The following CCDC88A variants were observed in gnomAD, a reference collection of about 807,000 sequenced individuals.
CCDC88A encodes the protein girdin.
A neutral mutation model predicts 234.3 loss-of-function variants in CCDC88A; 54 were observed. The observed-to-expected ratio is 0.23, with a 90% CI of 0.19 to 0.29. The LOEUF is 0.29. Among genes scored for constraint, CCDC88A ranks in the 10% least tolerant of loss-of-function variants. The pLI is 1.00. For missense variants in CCDC88A, 1,832 were observed against 2,123.4 expected (o/e 0.86, Z 2.70); for synonymous variants, 753 against 737.8 (o/e 1.02, Z -0.33).
intron 13 of CCDC88A, among the ~76,000 whole-genome samples, chr2:55,338,123 T>C (rs1382776850): frequency 6.6e-6 from 1 of 152,116 alleles, no homozygotes; most frequent in Non-Finnish European, 1.5e-5. Flanking sequence ...CACTAAGAAT[T>C]TACATATTAA....
chr2:55,315,045 A>T (rs1476952393), intron 22 of CCDC88A: 1 of 152,238 alleles, frequency 6.6e-6, no homozygotes, highest in Non-Finnish European at 1.5e-5. Context: ...CACCAGTGAC[A>T]TGTGGAATCT....
In CCDC88A at chr2:55,337,672, A is replaced by G. The variant is rs1057133283; in HGVS notation, c.1519-854T>C. Reference sequence around the variant, plus strand: ...TGAAACGATGTCTCTACCAAAAACAAAACAAAAAACAAAAAAACTTAGCCA... The same window carrying G: ...TGAAACGATGTCTCTACCAAAAACAGAACAAAAAACAAAAAAACTTAGCCA... On this transcript the variant is annotated intron_variant, in intron 13 of 32. Coordinates refer to ENST00000436346, the MANE Select transcript of CCDC88A (RefSeq NM_001365480.1). The G allele has an allele frequency of 2.6e-5, 4 of 152,136 alleles. No homozygotes were observed. The East Asian group carries it at 7.7e-4, about 29-fold the overall frequency. The allele number at this position is 152,136 out of a possible 1,614,324, so 9.4% of individuals were successfully genotyped here.
At chr2:55,399,353 C>T (rs1202700979) in intron 2 of CCDC88A, among the ~76,000 whole-genome samples, 2 of 151,628 alleles carry the variant, frequency 1.3e-5, no homozygotes, top group Admixed American at 6.6e-5. Context: ...GGTGAAACCC[C>T]GTCTCTACTA....
In CCDC88A at chr2:55,341,257, T is replaced by C. The variant is rs182894102; in HGVS notation, c.1334-1609A>G. 4.6e-3 allele frequency among the ~76,000 whole-genome samples: 685 copies of C among 150,412 alleles called. 2 individuals are homozygous for C. Among genetic ancestry groups the C allele is most frequent in the Middle Eastern group, 0.01 (3 of 294 alleles). ...GCCTCTCGGGTTCAAGCGATTTTCC[T>C]GCTTCAGCTCCCAAGCAGCTGGGAC... On this transcript the variant is annotated intron_variant, in intron 12 of 32. Transcript: ENST00000436346.
At position 55,335,068 on chromosome 2, in the gene CCDC88A, T is replaced by C. The variant is rs1352692071; in HGVS notation, c.1753A>G (p.Ile585Val). The C allele has an allele frequency of 1.9e-6, 3 of 1,612,184 alleles. No homozygotes were observed. Among genetic ancestry groups the C allele is most frequent in the Non-Finnish European group, 2.5e-6 (3 of 1,179,034 alleles). ...QISAEARVKDIEKENKILHES... is the reference protein window; with the variant it reads ...QISAEARVKDVEKENKILHES... ...TGAAGAATTTTGTTTTCTTTTTCAATGTCTTTCACTCTTGCTTCTGCACTT... is the reference window on the plus strand; with the variant it reads ...TGAAGAATTTTGTTTTCTTTTTCAACGTCTTTCACTCTTGCTTCTGCACTT... The change falls in exon 15 of 33, where the codon ATT becomes GTT. Residue 585 changes from isoleucine to valine, a missense_variant. Physicochemically the swap from Ile to Val is conservative, Grantham distance 29. Coordinates refer to ENST00000436346, the MANE Select transcript of CCDC88A (RefSeq NM_001365480.1). The surrounding 1 kb of genome is among the most constrained non-coding windows in gnomAD (Gnocchi z 4.5).
At position 55,309,162 on chromosome 2, in the gene CCDC88A, C is replaced by A; in HGVS notation, c.4172G>T (p.Arg1391Met). 6.5e-7 allele frequency: 1 copy of A among 1,548,350 alleles called. No homozygotes were observed. Residue 1391 changes from arginine (R) to methionine (M), a missense_variant and splice_region_variant, in exon 24 of 33, where the codon AGG (arginine) becomes ATG (methionine). Physicochemically the swap from Arg to Met is moderately conservative, Grantham distance 91 (BLOSUM62 -1). Around this residue, in one of 6 missense-constraint regions of CCDC88A, gnomAD observed 1,282 missense variants for 1,543.6 expected, o/e 0.83. Coordinates refer to ENST00000436346, the MANE Select transcript of CCDC88A (RefSeq NM_001365480.1). The surrounding 1 kb of genome is among the most constrained non-coding windows in gnomAD (Gnocchi z 5.1). The part of the protein sequence containing the change: ...YKFYDPSPPR[R>M]RGNWITLKMR... ...ATTCATAAAATTTGGTTAATGGTAC[C>A]TTCTAGGAGGAGATGGGTCATAAAA...
chr2:55,316,004 T>C lies in CCDC88A; in HGVS notation c.3857A>G (p.Glu1286Gly). 1 of 1,589,104 alleles carries C rather than the reference T, an allele frequency of 6.3e-7. No individual in the cohort carries two copies. The highest frequency in any genetic ancestry group is 8.6e-7 in the Non-Finnish European group (1 of 1,167,846). The change falls in exon 22 of 33, where the codon GAA becomes GGA. Residue 1286 changes from glutamate (E) to glycine (G), a missense_variant. Physicochemically the swap from Glu to Gly is moderately conservative, Grantham distance 98. This residue lies in a region of CCDC88A where 1,282 missense variants were observed against 1,543.6 expected (regional missense o/e 0.83). Transcript: ENST00000436346. ...NNSKLEQTRL[E>G]AEFSKLKEQY... Reference sequence around the variant, plus strand: ...TTCCTTTAGTTTTGAAAATTCAGCTTCTAATCTTGTTTGTTCCAGTTTGGA... The same window carrying C: ...TTCCTTTAGTTTTGAAAATTCAGCTCCTAATCTTGTTTGTTCCAGTTTGGA...
intron 2 of CCDC88A, among the ~76,000 whole-genome samples, chr2:55,391,659 T>G (rs1676672754): frequency 6.6e-6 from 1 of 152,158 alleles, no homozygotes; most frequent in Non-Finnish European, 1.5e-5. Flanking sequence ...AACAATGGAT[T>G]AGAAACTGTA....
chr2:55,325,279 T>C (rs1684123007), intron 17 of CCDC88A, among the ~76,000 whole-genome samples: 1 of 152,250 alleles, frequency 6.6e-6, no homozygotes, highest in African/African-American at 2.4e-5. Flanking sequence ...CTTAAATTCA[T>C]CCATAAGTAT....
chr2:55,346,269 C>T lies in CCDC88A; in HGVS notation c.947G>A (p.Arg316Gln), dbSNP rs754636259. ...RMYRDELDAL[R>Q]EKAVRVDKLE... is the part of the protein sequence containing the mutation. ...CTTATCGACTCTGACTGCTTTCTCT[C>T]GAAGTGCATCTAATTCATCTCGGTA... Residue 316 changes from arginine (R) to glutamine (Q), a missense_variant, in exon 10 of 33, where the codon CGA becomes CAA. Physicochemically the swap from Arg to Gln is conservative, Grantham distance 43. Around this residue, in one of 6 missense-constraint regions of CCDC88A, gnomAD observed 1,282 missense variants for 1,543.6 expected, o/e 0.83. Coordinates refer to ENST00000436346, the MANE Select transcript of CCDC88A (RefSeq NM_001365480.1). 12 of 1,611,804 alleles carry T rather than the reference C, an allele frequency of 7.4e-6. No homozygotes were observed. Among genetic ancestry groups the T allele is most frequent in the South Asian group, 2.2e-5 (2 of 90,918 alleles).
intron 6 of CCDC88A, chr2:55,363,696 A>G: frequency 3.2e-6 from 1 of 316,770 alleles, no homozygotes; most frequent in Non-Finnish European, 5.7e-6. Flanking sequence ...ACAAAGACAT[A>G]TACCTCATTC....
chr2:55,382,546 T>C (rs750271053), intron 3 of CCDC88A, among the ~76,000 whole-genome samples: 33 of 152,198 alleles, frequency 2.2e-4, no homozygotes, highest in Non-Finnish European at 3.7e-4. Context: ...ATGCTGTCTC[T>C]GATACTCAAA....
intron 3 of CCDC88A, among the ~76,000 whole-genome samples, chr2:55,387,176 CAAAAA>C (rs869311337): frequency 1.6e-4 from 11 of 69,774 alleles, no homozygotes; most frequent in East Asian, 7.8e-4. Flanking sequence ...GATTCCATCT[CAAAAA>C]AAAAAAAAAA....
At chr2:55,351,016 TGG>T (rs1669805862) in intron 8 of CCDC88A, among the ~76,000 whole-genome samples, 1 of 152,250 alleles carries the variant, frequency 6.6e-6, no homozygotes, top group East Asian at 1.9e-4. Context: ...CTTTACTAAG[TGG>T]ATTCCATTTT....
chr2:55,299,986 T>C, intron 28 of CCDC88A, 67 bp from the exon 29 acceptor site: 1 of 1,065,628 alleles, frequency 9.4e-7, no homozygotes, highest in African/African-American at 1.6e-5. Flanking sequence ...AGCTTTTACA[T>C]TCTGATTACA....
chr2:55,410,046 C>G (rs1378145827), intron 2 of CCDC88A, among the ~76,000 whole-genome samples: 1 of 151,578 alleles, frequency 6.6e-6, no homozygotes, highest in Non-Finnish European at 1.5e-5. Context: ...TGGCCTACCT[C>G]CCCACTTTTA....
At position 55,336,665 on chromosome 2, in the gene CCDC88A, T is replaced by C; in HGVS notation, c.1656+16A>G. ...ATTTTAAAATACATTGTTTACTTAGTAAAAAATGTATGAACCTGTCTCTCT... is the reference window on the plus strand; with the variant it reads ...ATTTTAAAATACATTGTTTACTTAGCAAAAAATGTATGAACCTGTCTCTCT... On this transcript the variant is annotated intron_variant, in intron 14 of 32. Coordinates refer to ENST00000436346, the MANE Select transcript of CCDC88A (RefSeq NM_001365480.1). The C allele has an allele frequency of 6.7e-7, 1 of 1,499,004 alleles. No individual in the cohort carries two copies. Among genetic ancestry groups the C allele is most frequent in the Non-Finnish European group, 8.9e-7 (1 of 1,118,298 alleles). The allele number at this position is 1,499,004 out of a possible 1,614,324, so 92.9% of individuals were successfully genotyped here. A position where few individuals can be genotyped will look rare whatever the true frequency, so the allele number is the denominator to read the frequency against.
intron 2 of CCDC88A, chr2:55,404,338 A>C (rs1386368888): frequency 2.0e-5 from 3 of 152,192 alleles, no homozygotes; most frequent in African/African-American, 4.8e-5. Flanking sequence ...AAGTCCCCAC[A>C]CAGGACAACT....
intron 3 of CCDC88A, among the ~76,000 whole-genome samples, chr2:55,387,779 C>CAAAAAAAAAAAAAAA (rs66479611): frequency 7.7e-5 from 5 of 64,838 alleles, no homozygotes; most frequent in Non-Finnish European, 1.2e-4. Context: ...GGCTCCATCT[C>CAAAAAAAAAAAAAAA]AAAAAAAAAA....
Sources: gnomAD v4.1 joint callset for allele counts (sites outside exome capture counted in the v4.1 genomes callset) on GRCh38, gnomAD v4.1.1 for gene constraint, gnomAD v4.1.1 regional missense constraint, Gnocchi (gnomAD v3.1) non-coding constraint, MANE v1.5 for transcripts, NCBI Gene and HGNC (gene_info 2026-07-23, HGNC 2026-07-21) for gene names.